The following ASXL3 variants were observed in gnomAD, a reference collection of about 807,000 sequenced individuals.
ASXL3 encodes putative Polycomb group protein ASXL3.
Under a neutral mutation model 170.6 loss-of-function variants are expected in ASXL3, and 34 were observed. The ratio of observed to expected loss-of-function variants is 0.20; its 90% CI spans 0.15 to 0.27. The LOEUF is 0.27. Among genes scored for constraint, ASXL3 ranks in the 10% least tolerant of loss-of-function variants. The pLI, the probability that ASXL3 is intolerant of heterozygous loss-of-function variation, is 1.00. For missense variants in ASXL3, 2,592 were observed against 2,695.3 expected (o/e 0.96, Z 0.85); for synonymous variants, 1,002 against 989.1 (o/e 1.01, Z -0.24).
chr18:33,731,261 A>G (rs1209601892), intron 8 of ASXL3, among the ~76,000 whole-genome samples: 4 of 152,274 alleles, frequency 2.6e-5, no homozygotes, highest in African/African-American at 7.2e-5. Context: ...GGTAATTATA[A>G]TTAGTGCTTA....
At chr18:33,606,959 G>A (rs1308278210) in intron 1 of ASXL3, among the ~76,000 whole-genome samples, 1 of 151,992 alleles carries the variant, frequency 6.6e-6, no homozygotes, top group South Asian at 2.1e-4. Context: ...CAAAAGATAA[G>A]TAGGGCAGAA....
chr18:33,707,565 T>A (rs986820119), intron 8 of ASXL3, among the ~76,000 whole-genome samples: 7 of 151,956 alleles, frequency 4.6e-5, no homozygotes, highest in Non-Finnish European at 8.8e-5. Flanking sequence ...CGTATTAATT[T>A]TAATAGTGTA....
At chr18:33,680,717 T>G (rs912034420) in intron 7 of ASXL3, among the ~76,000 whole-genome samples, 1 of 152,064 alleles carries the variant, frequency 6.6e-6, no homozygotes, top group Non-Finnish European at 1.5e-5. Flanking sequence ...TCATCCCTAA[T>G]AATATATTTT....
At position 33,745,699 on chromosome 18, in the gene ASXL3, T is replaced by C. The variant is rs1414083031; in HGVS notation, c.5851T>C (p.Ser1951Pro). ...TCCTACTGCAGCTCTGTTACAGGCC[T>C]CTTCCAAGACCCCAGTGGGGTGTAA... ...PIPTAALLQASSKTPVGCNAF... is the reference protein window; with the variant it reads ...PIPTAALLQAPSKTPVGCNAF... Residue 1951 changes from serine (S) to proline (P), a missense_variant, in exon 12 of 12, where the codon TCT (serine) becomes CCT (proline). Physicochemically the swap from Ser to Pro is moderately conservative, Grantham distance 74. This residue lies in a region of ASXL3 where 2,246 missense variants were observed against 2,219.6 expected (regional missense o/e 1.01). Transcript: ENST00000269197. 2.0e-5 allele frequency: 32 copies of C among 1,613,898 alleles called. No individual in the cohort carries two copies. Among genetic ancestry groups the C allele is most frequent in the Non-Finnish European group, 2.5e-5 (29 of 1,179,900 alleles).
At chr18:33,588,859 C>T (rs80007932) in intron 1 of ASXL3, among the ~76,000 whole-genome samples, 1,819 of 152,242 alleles carry the variant, frequency 0.012, 21 homozygotes, top group Non-Finnish European at 0.017. Flanking sequence ...TCTTTCATTT[C>T]CCAGTAAAGC....
intron 8 of ASXL3, among the ~76,000 whole-genome samples, chr18:33,700,809 A>C (rs769152819): frequency 6.6e-6 from 1 of 152,110 alleles, no homozygotes. Flanking sequence ...TCTTGTTGAC[A>C]TGATGGACCA....
At chr18:33,653,112 C>G (rs764964422) in intron 4 of ASXL3, among the ~76,000 whole-genome samples, 1 of 151,994 alleles carries the variant, frequency 6.6e-6, no homozygotes, top group Non-Finnish European at 1.5e-5. Context: ...AGTTGGTATT[C>G]TGGTCTTGTT....
intron 8 of ASXL3, among the ~76,000 whole-genome samples, chr18:33,714,765 C>T (rs1301810404): frequency 1.3e-5 from 2 of 152,074 alleles, no homozygotes; most frequent in East Asian, 1.9e-4. Flanking sequence ...TCTTTCTCTC[C>T]ATCTGACACA....
At position 33,644,954 on chromosome 18, in the gene ASXL3, T is replaced by C. The variant is rs1229548888; in HGVS notation, c.198T>C (p.Asp66=). The C allele has an allele frequency of 6.3e-7, 1 of 1,582,602 alleles. No homozygotes were observed. The highest frequency in any genetic ancestry group is 8.6e-7 in the Non-Finnish European group (1 of 1,162,680). Residue 66 remains aspartate, a synonymous_variant, in exon 3 of 12, where the codon GAT becomes GAC. Coordinates refer to ENST00000269197, the MANE Select transcript of ASXL3 (RefSeq NM_030632.3). The part of the protein sequence containing the change: ...AMLHTNTRIG[D]GTFFKIPGKS... ...TTCACACTAACACTCGAATAGGGGA[T>C]GGAACATTCTTCAAAATCCCTGGAA...
chr18:33,610,189 G>A (rs1268227023), intron 2 of ASXL3, among the ~76,000 whole-genome samples: 1 of 152,042 alleles, frequency 6.6e-6, no homozygotes, highest in Non-Finnish European at 1.5e-5. Context: ...TTGAGTAAAT[G>A]AAGTGTAACT....
rs2066686921 is a variant in ASXL3 at position 33,691,589 on chromosome 18, A to C, written c.879+8021A>C. Among the ~76,000 whole-genome samples the C allele has an allele frequency of 2.0e-5, 3 of 152,214 alleles. No individual in the cohort carries two copies. In the South Asian group the frequency reaches 6.2e-4, roughly 32 times the overall value. On this transcript the variant is annotated intron_variant, in intron 8 of 11. Transcript: ENST00000269197. Reference sequence around the variant, plus strand: ...TCACCAGACTCTGCTAGCTCTGATGATGTAACTGCTAATAAGTTACAGTTC... The same window carrying C: ...TCACCAGACTCTGCTAGCTCTGATGCTGTAACTGCTAATAAGTTACAGTTC...
intron 8 of ASXL3, among the ~76,000 whole-genome samples, chr18:33,731,544 C>T (rs2067444851): frequency 1.3e-5 from 2 of 152,182 alleles, no homozygotes; most frequent in Non-Finnish European, 2.9e-5. Flanking sequence ...TGTCCACATA[C>T]ATATATTCTC....
At chr18:33,690,066 C>A (rs2066663135) in intron 8 of ASXL3, among the ~76,000 whole-genome samples, 1 of 151,930 alleles carries the variant, frequency 6.6e-6, no homozygotes. Flanking sequence ...CTGTGTTGCC[C>A]AGGGTGGTCT....
Position 33,746,692 on chromosome 18 carries a change from A to G in ASXL3, c.*97A>G. On this transcript the variant is annotated 3_prime_UTR_variant, in exon 12 of 12. Coordinates refer to ENST00000269197, the MANE Select transcript of ASXL3 (RefSeq NM_030632.3). ...ATAATGCAGTGGTTTCTATCATGCT[A>G]ATTTATTTTGCTTTGGAGCAGGTAC... is the stretch of plus-strand genomic sequence containing the variant. The G allele has an allele frequency of 6.8e-7, 1 of 1,471,420 alleles. No homozygotes were observed. Among genetic ancestry groups the G allele is most frequent in the Non-Finnish European group, 8.9e-7 (1 of 1,118,010 alleles). The allele number at this position is 1,471,420 out of a possible 1,614,324, so 91.1% of individuals were successfully genotyped here.
intron 8 of ASXL3, among the ~76,000 whole-genome samples, chr18:33,702,356 C>A (rs9962729): frequency 0.055 from 8,272 of 151,524 alleles, 764 homozygotes; most frequent in African/African-American, 0.19. Context: ...ATATACTACT[C>A]CTCTCTTCCT....
At chr18:33,714,257 C>A (rs186850415) in intron 8 of ASXL3, among the ~76,000 whole-genome samples, 324 of 152,240 alleles carry the variant, frequency 2.1e-3, no homozygotes, top group Non-Finnish European at 3.7e-3. Context: ...TGTTGCTTTG[C>A]GTCTCAACAA....
chr18:33,622,160 A>G (rs184966710), intron 2 of ASXL3, among the ~76,000 whole-genome samples: 1 of 152,152 alleles, frequency 6.6e-6, no homozygotes, highest in African/African-American at 2.4e-5. Context: ...AATGCAGTAT[A>G]TAATATATGT....
At chr18:33,603,240 G>A (rs559485819) in intron 1 of ASXL3, among the ~76,000 whole-genome samples, 2 of 152,150 alleles carry the variant, frequency 1.3e-5, no homozygotes, top group African/African-American at 2.4e-5. Context: ...CTCTTTGAGA[G>A]ACACCAAGGA....
rs567720473 is a variant in ASXL3, at chr18:33,599,006, A to C, written c.55-8588A>C. Among the ~76,000 whole-genome samples, 37 of 152,304 alleles carry C rather than the reference A, an allele frequency of 2.4e-4. 1 individual carries two copies. The South Asian group carries it at 3.9e-3, about 16-fold the overall frequency. ...AAAAGTATTAAATGAACTCATATGCATGTTAGAATAATGCTTAATGCAGAG... is the reference window on the plus strand; with the variant it reads ...AAAAGTATTAAATGAACTCATATGCCTGTTAGAATAATGCTTAATGCAGAG... On this transcript the variant is annotated intron_variant, in intron 1 of 11. Transcript: ENST00000269197.
Sources: gnomAD v4.1 joint callset for allele counts (sites outside exome capture counted in the v4.1 genomes callset) on GRCh38, gnomAD v4.1.1 for gene constraint, gnomAD v4.1.1 regional missense constraint, MANE v1.5 for transcripts, NCBI Gene and HGNC (gene_info 2026-07-23, HGNC 2026-07-21) for gene names.